The following STYK1 variants were observed in gnomAD, a reference collection of about 807,000 sequenced individuals.
The protein encoded by STYK1 is tyrosine-protein kinase STYK1.
STYK1 carries 46 observed loss-of-function variants against 48.1 expected under a neutral mutation model. The observed-to-expected ratio is 0.96, with a 90% CI of 0.75 to 1.22. STYK1 has a LOEUF of 1.22. Among genes scored for constraint, STYK1 ranks in the 50% most tolerant of loss-of-function variants. The pLI is 0.00. For synonymous variants in STYK1, 188 were observed against 189.0 expected (o/e 0.99, Z 0.04); for missense variants, 527 against 521.1 (o/e 1.01, Z -0.11).
intron 7 of STYK1, among the ~76,000 whole-genome samples, chr12:10,625,375 G>A (rs889592535): frequency 2.0e-5 from 3 of 152,078 alleles, no homozygotes; most frequent in South Asian, 2.1e-4. Context: ...CCGCCACCAC[G>A]CCTGGCTAAT....
chr12:10,620,767 G>C (rs1054768044), intron 10 of STYK1, among the ~76,000 whole-genome samples: 1 of 152,114 alleles, frequency 6.6e-6, no homozygotes, highest in African/African-American at 2.4e-5. Context: ...TCATGTTTCA[G>C]ATATCTCCTC....
chr12:10,662,584 G>A (rs1314299069), intron 1 of STYK1, among the ~76,000 whole-genome samples: 2 of 143,846 alleles, frequency 1.4e-5, no homozygotes, highest in East Asian at 2.0e-4. Context: ...TCTCACTGTG[G>A]TTTTGATTTG....
intron 10 of STYK1, 55 bp downstream of exon 10, chr12:10,621,816 TGATAG>T: frequency 6.6e-7 from 1 of 1,512,792 alleles, no homozygotes; most frequent in Non-Finnish European, 9.2e-7. Context: ...AGGGCACGAT[TGATAG>T]AGGGCTAAAC....
At chr12:10,640,469 C>T (rs1297341696) in intron 1 of STYK1, among the ~76,000 whole-genome samples, 3 of 152,112 alleles carry the variant, frequency 2.0e-5, no homozygotes, top group African/African-American at 7.2e-5. Context: ...GAGGTTATCT[C>T]GTCCTCTCAC....
chr12:10,630,750 A>G (rs1020927410), intron 5 of STYK1, among the ~76,000 whole-genome samples: 3 of 152,062 alleles, frequency 2.0e-5, no homozygotes, highest in East Asian at 3.8e-4. Flanking sequence ...CCTCAACACA[A>G]TAAAGACTGT....
rs1865890306 is a variant in STYK1, at chr12:10,620,485, T to C, written c.1065-137A>G. Reference sequence around the variant, plus strand: ...CTGTTTGCCCTGTTACTCATATTCTTCCCAGAGAGTGATATTCCTTCTCAA... The same window carrying C: ...CTGTTTGCCCTGTTACTCATATTCTCCCCAGAGAGTGATATTCCTTCTCAA... On this transcript the variant is annotated intron_variant, in intron 10 of 10. Transcript: ENST00000075503. 3 of 745,168 alleles carry C rather than the reference T, an allele frequency of 4.0e-6. No homozygotes were observed. The East Asian group carries it at 7.9e-5, about 20-fold the overall frequency. 46.2% of individuals were successfully genotyped at this position (745,168 alleles called of 1,614,324 possible). A position where few individuals can be genotyped will look rare whatever the true frequency, so the allele number is the denominator to read the frequency against.
intron 1 of STYK1, among the ~76,000 whole-genome samples, chr12:10,664,186 T>C (rs1947810578): frequency 6.6e-6 from 1 of 152,170 alleles, no homozygotes; most frequent in Non-Finnish European, 1.5e-5. Flanking sequence ...CTACGTTCTG[T>C]AGTTGTCTTG....
intron 1 of STYK1, among the ~76,000 whole-genome samples, chr12:10,673,329 A>G (rs1408698910): frequency 6.6e-6 from 1 of 152,056 alleles, no homozygotes; most frequent in Non-Finnish European, 1.5e-5. Context: ...GTGAACCGAG[A>G]TCGCGCCATT....
At chr12:10,660,236 TG>T (rs1947761637) in intron 1 of STYK1, among the ~76,000 whole-genome samples, 1 of 152,188 alleles carries the variant, frequency 6.6e-6, no homozygotes, top group South Asian at 2.1e-4. Context: ...TTTCTTAAAT[TG>T]AACACTTATT....
chr12:10,650,044 G>A lies in STYK1; in HGVS notation c.-194-12848C>T, dbSNP rs544730118. Reference sequence around the variant, plus strand: ...CAGGAGAATGGCATCAACCCAAGGCGGAGCTTGCAGTGAGCCGAGATCGCA... The same window carrying A: ...CAGGAGAATGGCATCAACCCAAGGCAGAGCTTGCAGTGAGCCGAGATCGCA... On this transcript the variant is annotated intron_variant, in intron 1 of 10. Transcript: ENST00000075503. Among the ~76,000 whole-genome samples, 404 of 147,698 alleles carry A rather than the reference G, an allele frequency of 2.7e-3. 2 individuals carry two copies. Among genetic ancestry groups the A allele is most frequent in the African/African-American group, 9.4e-3 (380 of 40,228 alleles).
At chr12:10,662,993 T>A (rs555205039) in intron 1 of STYK1, among the ~76,000 whole-genome samples, 22 of 152,356 alleles carry the variant, frequency 1.4e-4, no homozygotes, top group Non-Finnish European at 2.9e-4. Flanking sequence ...GGACTTTGGT[T>A]CATTTTGAAT....
intron 1 of STYK1, among the ~76,000 whole-genome samples, chr12:10,640,335 A>T (rs1309483023): frequency 6.6e-6 from 1 of 152,144 alleles, no homozygotes; most frequent in Non-Finnish European, 1.5e-5. Context: ...CACAGAGTGC[A>T]TGGAAGGGCA....
intron 7 of STYK1, among the ~76,000 whole-genome samples, chr12:10,626,180 T>C (rs1004163378): frequency 6.6e-6 from 1 of 152,182 alleles, no homozygotes; most frequent in Non-Finnish European, 1.5e-5. Flanking sequence ...TTAAAGAATG[T>C]AACTGACTTT....
At chr12:10,636,450 A>G (rs1202646272) in intron 2 of STYK1, among the ~76,000 whole-genome samples, 1 of 152,186 alleles carries the variant, frequency 6.6e-6, no homozygotes, top group African/African-American at 2.4e-5. Flanking sequence ...GTTAGATAGC[A>G]AAGTCCACTG....
chr12:10,670,995 ATTTTTTTT>A lies in STYK1; in HGVS notation c.-195+2963_-195+2970del, dbSNP rs763044772. On this transcript the variant is annotated intron_variant, in intron 1 of 10. Transcript: ENST00000075503. ...ATCTCCAGAACCTATGAATATATTGATTTTTTTTTTTTTTTTTTTTTTGACAGTCTGGC... is the reference window on the plus strand; with the variant it reads ...ATCTCCAGAACCTATGAATATATTGATTTTTTTTTTTTTTGACAGTCTGGC... Among the ~76,000 whole-genome samples, 25 of 110,470 alleles carry A rather than the reference ATTTTTTTT, an allele frequency of 2.3e-4. No homozygotes were observed. The East Asian group carries it at 5.1e-3, about 22-fold the overall frequency. The allele number at this position is 110,470 out of a possible 152,430, so 72.5% of individuals were successfully genotyped here.
rs1307642246 is a variant in STYK1, at chr12:10,634,630, T to C, written c.-12A>G. Reference sequence around the variant, plus strand: ...CGTGTCATGCCCATTGCCACAGGGCTGTCCCCTTCCCTGCTAGGCCCACAG... The same window carrying C: ...CGTGTCATGCCCATTGCCACAGGGCCGTCCCCTTCCCTGCTAGGCCCACAG... On this transcript the variant is annotated 5_prime_UTR_variant, in exon 3 of 11. Coordinates refer to ENST00000075503, the MANE Select transcript of STYK1 (RefSeq NM_018423.3). 2 of 1,613,996 alleles carry C rather than the reference T, an allele frequency of 1.2e-6. No individual in the cohort carries two copies. Among genetic ancestry groups the C allele is most frequent in the Non-Finnish European group, 1.7e-6 (2 of 1,180,010 alleles).
At position 10,618,924 on chromosome 12, in the gene STYK1, T is replaced by G. The variant is rs1448188941; in HGVS notation, c.*1220A>C. 1 of 152,186 alleles carries G rather than the reference T, an allele frequency of 6.6e-6. No homozygotes were observed. 9.4% of individuals were successfully genotyped at this position (152,186 alleles called of 1,614,324 possible). A position where few individuals can be genotyped will look rare whatever the true frequency, so the allele number is the denominator to read the frequency against. On this transcript the variant is annotated 3_prime_UTR_variant, in exon 11 of 11. Transcript: ENST00000075503. Reference sequence around the variant, plus strand: ...GAAAAATATATGAAAGGTCCTGGGTTAGGAAGGGCAAAAGAAAAGGAGAAA... The same window carrying G: ...GAAAAATATATGAAAGGTCCTGGGTGAGGAAGGGCAAAAGAAAAGGAGAAA...
chr12:10,660,834 G>A (rs1947769148), intron 1 of STYK1, among the ~76,000 whole-genome samples: 1 of 152,116 alleles, frequency 6.6e-6, no homozygotes, highest in African/African-American at 2.4e-5. Context: ...CTAAAAAGAG[G>A]AGAAACCCTC....
At chr12:10,622,563 A>G (rs1865924269) in intron 9 of STYK1, 75 bp downstream of exon 9, 1 of 1,554,998 alleles carries the variant, frequency 6.4e-7, no homozygotes, top group African/African-American at 1.4e-5. Context: ...CAGAAAGCAT[A>G]CATCATCCAC....
Sources: allele counts gnomAD v4.1 joint callset (sites outside exome capture counted in the v4.1 genomes callset), GRCh38; gene constraint gnomAD v4.1.1; transcripts MANE v1.5; gene names NCBI Gene and HGNC (gene_info 2026-07-23, HGNC 2026-07-21).